TCF4: variants seen among roughly 807,000 people sequenced by gnomAD.
TCF4 encodes the protein SL3-3 enhancer factor 2.
A neutral mutation model predicts 82.1 loss-of-function variants in TCF4; 3 were observed. The ratio of observed to expected loss-of-function variants is 0.04; its 90% CI spans 0.02 to 0.09. The LOEUF (loss-of-function observed/expected upper bound fraction) is 0.09, where lower values mean the gene tolerates loss of function less well. TCF4 is among the 10% of genes least tolerant of loss of function. The pLI is 1.00. For missense variants in TCF4, 518 were observed against 852.7 expected (o/e 0.61, Z 4.89); for synonymous variants, 276 against 309.6 (o/e 0.89, Z 1.14).
chr18:55,468,803 T>C lies in TCF4; in HGVS notation c.146-4666A>G, dbSNP rs140361754. ...GACTAAACAATATACAGGAAATAGATGTGTGAAATCCATTAAGGCAACATA... is the reference window on the plus strand; with the variant it reads ...GACTAAACAATATACAGGAAATAGACGTGTGAAATCCATTAAGGCAACATA... On this transcript the variant is annotated intron_variant, in intron 3 of 19. Transcript: ENST00000354452. Among the ~76,000 whole-genome samples the C allele has an allele frequency of 3.2e-3, 489 of 151,870 alleles. 2 individuals are homozygous for C. The highest frequency in any genetic ancestry group is 0.012 in the African/African-American group (484 of 41,402).
At chr18:55,603,865 G>A (rs1182362026) in intron 2 of TCF4, among the ~76,000 whole-genome samples, 1 of 152,146 alleles carries the variant, frequency 6.6e-6, no homozygotes, top group Non-Finnish European at 1.5e-5. Context: ...TCCTCCTGAG[G>A]AGAAAACAAT....
intron 6 of TCF4, among the ~76,000 whole-genome samples, chr18:55,399,539 A>G (rs1160728878): frequency 6.6e-6 from 1 of 152,226 alleles, no homozygotes; most frequent in East Asian, 1.9e-4. Flanking sequence ...GGAATTCTAT[A>G]TAAAGATTTG....
intron 3 of TCF4, among the ~76,000 whole-genome samples, chr18:55,572,985 A>G (rs1266033499): frequency 6.6e-6 from 1 of 151,912 alleles, no homozygotes; most frequent in Admixed American, 6.6e-5. Flanking sequence ...CTCGGGAGGC[A>G]GAGGTTGCAG....
intron 8 of TCF4, among the ~76,000 whole-genome samples, chr18:55,346,130 A>C (rs1302052904): frequency 6.6e-6 from 1 of 152,168 alleles, no homozygotes; most frequent in African/African-American, 2.4e-5. Context: ...AGGACATTTA[A>C]GGCCATTAGC....
intron 3 of TCF4, among the ~76,000 whole-genome samples, chr18:55,575,779 G>A (rs553989092): frequency 2.0e-5 from 3 of 152,072 alleles, no homozygotes; most frequent in Non-Finnish European, 2.9e-5. Flanking sequence ...ACACACACAC[G>A]TGTATTTTTC....
intron 8 of TCF4, among the ~76,000 whole-genome samples, chr18:55,345,092 T>C (rs2080872643): frequency 1.3e-5 from 2 of 152,116 alleles, no homozygotes; most frequent in African/African-American, 2.4e-5. Context: ...AGCAAACTTC[T>C]GGGATATTAG....
At chr18:55,286,667 A>C (rs1055072603) in intron 8 of TCF4, among the ~76,000 whole-genome samples, 4 of 152,132 alleles carry the variant, frequency 2.6e-5, no homozygotes, top group Non-Finnish European at 5.9e-5. Context: ...AAGACAGTGC[A>C]GGTGAACAGT....
rs35262105 is a variant in TCF4 at position 55,426,099 on chromosome 18, T to TTATATATA, written c.305-22589_305-22582dup. Among the ~76,000 whole-genome samples, 320 of 139,136 alleles carry TTATATATA rather than the reference T, an allele frequency of 2.3e-3. 1 individual carries two copies. Among genetic ancestry groups the TTATATATA allele is most frequent in the South Asian group, 5.1e-3 (23 of 4,540 alleles). 91.3% of individuals were successfully genotyped at this position (139,136 alleles called of 152,430 possible). On this transcript the variant is annotated intron_variant, in intron 5 of 19. Transcript: ENST00000354452. ...AAAACACAAACCAAGACAAAAAATT[T>TTATATATA]TATATATATATATATATATACACAC...
At chr18:55,361,247 A>T (rs574522476) in intron 6 of TCF4, among the ~76,000 whole-genome samples, 2 of 151,998 alleles carry the variant, frequency 1.3e-5, no homozygotes, top group East Asian at 3.9e-4. Context: ...GAGCTTGAAA[A>T]TGCTGAGCCC....
chr18:55,257,972 TAA>T (rs761190430), intron 13 of TCF4, among the ~76,000 whole-genome samples: 2 of 152,030 alleles, frequency 1.3e-5, no homozygotes, highest in Non-Finnish European at 2.9e-5. Context: ...AACTTGAAGG[TAA>T]AAAAAGATTG....
chr18:55,282,854 C>A (rs768658277), intron 8 of TCF4, among the ~76,000 whole-genome samples: 2 of 151,712 alleles, frequency 1.3e-5, no homozygotes, highest in African/African-American at 4.9e-5. Context: ...TCCAATAATA[C>A]GCTTAGATCA....
At chr18:55,313,378 T>C (rs1456865552) in intron 8 of TCF4, among the ~76,000 whole-genome samples, 2 of 152,162 alleles carry the variant, frequency 1.3e-5, no homozygotes, top group Admixed American at 6.6e-5. Flanking sequence ...TAAACTGATA[T>C]GAGAATAGTG....
intron 8 of TCF4, among the ~76,000 whole-genome samples, chr18:55,328,330 A>C (rs1957119169): frequency 6.6e-6 from 1 of 151,636 alleles, no homozygotes; most frequent in African/African-American, 2.4e-5. Flanking sequence ...TATGCCTCTT[A>C]TTTTTCCCCA....
At chr18:55,562,503 C>G (rs1459398403) in intron 3 of TCF4, among the ~76,000 whole-genome samples, 3 of 152,050 alleles carry the variant, frequency 2.0e-5, no homozygotes, top group African/African-American at 7.2e-5. Flanking sequence ...CAGGGAAGGC[C>G]CTAGGGAAGT....
chr18:55,243,640 G>A (rs2052076186), intron 15 of TCF4, among the ~76,000 whole-genome samples: 1 of 151,986 alleles, frequency 6.6e-6, no homozygotes, highest in Admixed American at 6.6e-5. Flanking sequence ...AGAGTACTAG[G>A]CAGTTTCCCC....
At chr18:55,292,755 T>G (rs985883999) in intron 8 of TCF4, among the ~76,000 whole-genome samples, 3 of 152,108 alleles carry the variant, frequency 2.0e-5, no homozygotes, top group Non-Finnish European at 4.4e-5. Flanking sequence ...TATGTATACA[T>G]ATATACGTAT....
chr18:55,548,248 A>C (rs1384063625), intron 3 of TCF4, among the ~76,000 whole-genome samples: 1 of 152,126 alleles, frequency 6.6e-6, no homozygotes, highest in African/African-American at 2.4e-5. Context: ...GAGGAATCAC[A>C]CTCCATCTAG....
intron 6 of TCF4, among the ~76,000 whole-genome samples, chr18:55,396,480 C>T (rs2093497147): frequency 6.6e-6 from 1 of 152,182 alleles, no homozygotes; most frequent in Admixed American, 6.6e-5. Context: ...TAGCTGATCC[C>T]TGATAGCGCA....
At chr18:55,400,631 G>A (rs17594834) in intron 6 of TCF4, among the ~76,000 whole-genome samples, 2,387 of 152,176 alleles carry the variant, frequency 0.016, 31 homozygotes, top group Non-Finnish European at 0.023. Flanking sequence ...TTAAAAAAGC[G>A]TCATATGTCC....
Sources: gnomAD v4.1 joint callset for allele counts (sites outside exome capture counted in the v4.1 genomes callset) on GRCh38, gnomAD v4.1.1 for gene constraint, MANE v1.5 for transcripts, NCBI Gene and HGNC (gene_info 2026-07-23, HGNC 2026-07-21) for gene names.